BCAR1: variants seen among roughly 807,000 people sequenced by gnomAD.
BCAR1 encodes BCAR1 scaffold protein, Cas family member.
A neutral mutation model predicts 67.6 loss-of-function variants in BCAR1; 30 were observed. The ratio of observed to expected loss-of-function variants is 0.44; its 90% CI spans 0.33 to 0.60. The LOEUF is 0.60. Among genes scored for constraint, BCAR1 ranks in the 20% least tolerant of loss-of-function variants. BCAR1 has a pLI of 0.02. For synonymous variants in BCAR1, 626 were observed against 556.7 expected (o/e 1.12, Z -1.75); for missense variants, 1,313 against 1,222.3 (o/e 1.07, Z -1.11).
At chr16:75,260,376 T>G (rs2077877776) in intron 1 of BCAR1, among the ~76,000 whole-genome samples, 1 of 152,004 alleles carries the variant, frequency 6.6e-6, no homozygotes, top group African/African-American at 2.4e-5. Context: ...CGGTGGCTCA[T>G]GCCTGTAATC....
At chr16:75,263,266 G>A in intron 1 of BCAR1, 1 of 985,422 alleles carries the variant, frequency 1.0e-6, no homozygotes, top group Non-Finnish European at 1.2e-6. Flanking sequence ...GCTGGGGGTG[G>A]CCAGCACCTG....
chr16:75,235,985 A>T lies in BCAR1; in HGVS notation c.914T>A (p.Val305Asp). ...GCTCACCGATGGAGGAACGTCGTAG[A>T]CCTGGGGGACAAGCGGTGGTCAAGA... Reference protein sequence around the residue: ...KGLPPSNHHAVYDVPPSVSKD... With the variant: ...KGLPPSNHHADYDVPPSVSKD... The change falls in exon 5 of 7, where the codon GTC becomes GAC. Residue 305 changes from valine to aspartate, a missense_variant and splice_region_variant. Val to Asp is a radical substitution (Grantham distance 152, BLOSUM62 -3). This residue lies in a region of BCAR1 where 1,272 missense variants were observed against 1,137.5 expected (regional missense o/e 1.12). Coordinates refer to ENST00000162330, the MANE Select transcript of BCAR1 (RefSeq NM_014567.5). The T allele has an allele frequency of 6.4e-7, 1 of 1,568,558 alleles. No individual in the cohort carries two copies. Among genetic ancestry groups the T allele is most frequent in the Non-Finnish European group, 8.6e-7 (1 of 1,156,354 alleles).
In BCAR1 at chr16:75,248,389, T is replaced by C. The variant is rs146213695; in HGVS notation, c.12+3082A>G. The C allele has an allele frequency of 3.3e-4, 400 of 1,214,210 alleles. 3 individuals carry two copies. In the East Asian group the frequency reaches 0.014, roughly 44 times the overall value. 75.2% of individuals were successfully genotyped at this position (1,214,210 alleles called of 1,614,324 possible). ...CAAGTTTATTTCTGGGGCATTCTAT[T>C]TGCTTGTCCCAAAGAGCCTCCGTGG... On this transcript the variant is annotated intron_variant, in intron 1 of 6. Coordinates refer to ENST00000162330, the MANE Select transcript of BCAR1 (RefSeq NM_014567.5).
At chr16:75,248,214 C>G in intron 1 of BCAR1, 1 of 1,547,316 alleles carries the variant, frequency 6.5e-7, no homozygotes, top group Admixed American at 1.8e-5. Flanking sequence ...TTCGTGGAAA[C>G]CACCAGAGGA....
intron 1 of BCAR1, among the ~76,000 whole-genome samples, chr16:75,262,134 C>G (rs193006486): frequency 9.3e-4 from 142 of 152,260 alleles, no homozygotes; most frequent in African/African-American, 3.2e-3. Flanking sequence ...CTCCCCACCC[C>G]GCAGCAGCCT....
At position 75,228,300 on chromosome 16, in the gene BCAR1, A is replaced by C. The variant is rs1416157097; in HGVS notation, c.*1211T>G. The C allele has an allele frequency of 6.6e-6, 1 of 152,192 alleles. No homozygotes were observed. The highest frequency in any genetic ancestry group is 1.5e-5 in the Non-Finnish European group (1 of 68,058). The allele number at this position is 152,192 out of a possible 1,614,324, so 9.4% of individuals were successfully genotyped here. A position where few individuals can be genotyped will look rare whatever the true frequency, so the allele number is the denominator to read the frequency against. ...CGGGGACAACCTCTGTAGAGGTAAG[A>C]TCAGGAGGGCTTGCGAATCACCCAG... On this transcript the variant is annotated 3_prime_UTR_variant, in exon 7 of 7. Transcript: ENST00000162330.
rs146969008 is a variant in BCAR1 at position 75,262,314 on chromosome 16, C to T, written c.66+5601G>A. Among the ~76,000 whole-genome samples the T allele has an allele frequency of 2.9e-3, 439 of 152,292 alleles. 2 individuals are homozygous for T. Among genetic ancestry groups the T allele is most frequent in the African/African-American group, 8.7e-3 (363 of 41,552 alleles). ...TGCAGCCAGAAGGCACGAGAGACAG[C>T]GGGGCAAGCAGTCATGGGTTCTGCA... On this transcript the variant is annotated intron_variant, in intron 1 of 6. Coordinates refer to the BCAR1 transcript ENST00000393422.
Position 75,242,977 on chromosome 16 carries a change from G to C in BCAR1, c.126C>G (p.Gly42=). The C allele has an allele frequency of 1.9e-6, 3 of 1,613,518 alleles. No individual in the cohort carries two copies. The highest frequency in any genetic ancestry group is 2.5e-6 in the Non-Finnish European group (3 of 1,179,950). Reference sequence around the variant, plus strand: ...GCCCATGCAGCGAGCAGAGCCACCAGCCGTCCAGGCCCTGCGTGTCCTGCT... The same window carrying C: ...GCCCATGCAGCGAGCAGAGCCACCACCCGTCCAGGCCCTGCGTGTCCTGCT... ...VLEQDTQGLD[G]WWLCSLHGRQ... The change falls in exon 2 of 7, where the codon GGC becomes GGG. Residue 42 remains glycine, a synonymous_variant. Transcript: ENST00000162330.
rs546950990 is a variant in BCAR1 at position 75,242,520 on chromosome 16, G to A, written c.583C>T (p.Pro195Ser). The part of the protein sequence containing the change: ...AGMGHDIYQV[P>S]PSMDTRSWEG... ...CAGCTGCGTGTGTCCATGGACGGGG[G>A]GACCTGGTAGATGTCATGCCCCATC... Residue 195 changes from proline (P) to serine (S), a missense_variant, in exon 2 of 7, where the codon CCC becomes TCC. By Grantham distance (74) the Pro-to-Ser change is moderately conservative (BLOSUM62 -1). Coordinates refer to ENST00000162330, the MANE Select transcript of BCAR1 (RefSeq NM_014567.5). The A allele has an allele frequency of 2.0e-5, 30 of 1,479,154 alleles. No homozygotes were observed. Among genetic ancestry groups the A allele is most frequent in the Admixed American group, 2.0e-4 (8 of 39,512 alleles). 91.6% of individuals were successfully genotyped at this position (1,479,154 alleles called of 1,614,324 possible). A position where few individuals can be genotyped will look rare whatever the true frequency, so the allele number is the denominator to read the frequency against.
chr16:75,252,180 C>T (rs1410267758), upstream of BCAR1: 1 of 1,535,712 alleles, frequency 6.5e-7, no homozygotes, highest in Non-Finnish European at 8.7e-7. Context: ...AATGAAGCCT[C>T]AAGCAGGGAG....
intron 4 of BCAR1, 24 bp from the exon 5 acceptor site, chr16:75,236,010 A>ACTGTCCAT: frequency 1.3e-6 from 2 of 1,551,680 alleles, no homozygotes; most frequent in African/African-American, 1.4e-5. Flanking sequence ...GGTGGTCAAG[A>ACTGTCCAT]CTGTCCATCT....
In BCAR1 at chr16:75,237,018, G is replaced by C. The variant is rs1264817026; in HGVS notation, c.796-20C>G. The C allele has an allele frequency of 6.4e-7, 1 of 1,571,876 alleles. No homozygotes were observed. The highest frequency in any genetic ancestry group is 2.3e-5 in the East Asian group (1 of 43,972). On this transcript the variant is annotated intron_variant, in intron 3 of 6. Coordinates refer to ENST00000162330, the MANE Select transcript of BCAR1 (RefSeq NM_014567.5). ...ATACACCTGGGGCAGAAACAGTGCAGGGTTAACGGCGCCAGGGCCACTTGG... is the reference window on the plus strand; with the variant it reads ...ATACACCTGGGGCAGAAACAGTGCACGGTTAACGGCGCCAGGGCCACTTGG...
intron 1 of BCAR1, chr16:75,265,322 C>G (rs906724332): frequency 1.3e-5 from 2 of 152,422 alleles, no homozygotes; most frequent in Non-Finnish European, 2.9e-5. Flanking sequence ...CCTGGCCACC[C>G]CGGGGGAGTC....
chr16:75,234,093 G>A (rs2077003913), intron 5 of BCAR1, among the ~76,000 whole-genome samples, 158 bp from the exon 6 acceptor site: 1 of 140,558 alleles, frequency 7.1e-6, no homozygotes, highest in Non-Finnish European at 1.5e-5. Context: ...ACTAGCACAC[G>A]TGGACACACA....
chr16:75,238,819 G>A (rs2077233679), intron 2 of BCAR1: 2 of 985,326 alleles, frequency 2.0e-6, no homozygotes, highest in South Asian at 9.4e-5. Context: ...GGCAGGCGGG[G>A]CGGAGGGACG....
upstream of BCAR1, among the ~76,000 whole-genome samples, chr16:75,255,604 G>C (rs1434132770): frequency 3.3e-5 from 5 of 152,026 alleles, no homozygotes; most frequent in Non-Finnish European, 7.4e-5. Context: ...GCTGAGGCAG[G>C]ATAATTGCTT....
At chr16:75,259,607 C>T (rs777423756) in intron 1 of BCAR1, among the ~76,000 whole-genome samples, 1 of 152,144 alleles carries the variant, frequency 6.6e-6, no homozygotes, top group Non-Finnish European at 1.5e-5. Flanking sequence ...AATCCTAGCC[C>T]TTTGGGAGGC....
intron 1 of BCAR1, 151 bp downstream of exon 1, chr16:75,251,320 G>GCCAGGGCAGAAGGAGATC: frequency 8.9e-7 from 1 of 1,119,876 alleles, no homozygotes; most frequent in Non-Finnish European, 1.2e-6. Flanking sequence ...CGGCTTCCCG[G>GCCAGGGCAGAAGGAGATC]CCAGGGCAGA....
chr16:75,259,040 G>A (rs952554853), intron 1 of BCAR1, among the ~76,000 whole-genome samples: 1 of 152,222 alleles, frequency 6.6e-6, no homozygotes, highest in Non-Finnish European at 1.5e-5. Flanking sequence ...CTCCCAACCA[G>A]GACTTCTGGA....
Sources: gnomAD v4.1 joint callset for allele counts (sites outside exome capture counted in the v4.1 genomes callset) on GRCh38, gnomAD v4.1.1 for gene constraint, gnomAD v4.1.1 regional missense constraint, MANE v1.5 for transcripts, NCBI Gene and HGNC (gene_info 2026-07-23, HGNC 2026-07-21) for gene names.